The following TMPRSS7 variants were observed in gnomAD, a reference collection of about 807,000 sequenced individuals.
TMPRSS7 encodes the protein transmembrane protease serine 7.
A neutral mutation model predicts 95.6 loss-of-function variants in TMPRSS7; 81 were observed. The observed-to-expected ratio is 0.85, with a 90% confidence interval of 0.71 to 1.02. The LOEUF (loss-of-function observed/expected upper bound fraction) is 1.02. Ranked by LOEUF, TMPRSS7 falls within the 50% of genes least tolerant of loss-of-function variation. TMPRSS7 has a pLI of 0.00. For synonymous variants in TMPRSS7, 364 were observed against 337.8 expected, an observed-to-expected ratio of 1.08 and a Z score of -0.85; for missense variants, 945 against 955.2, an observed-to-expected ratio of 0.99 and a Z score of 0.14.
chr3:112,054,803 C>CGGG, intron 9 of TMPRSS7, among the ~76,000 whole-genome samples: 1 of 122,718 alleles, frequency 8.1e-6, no homozygotes, highest in African/African-American at 3.0e-5. Flanking sequence ...TGCAGTGGCA[C>CGGG]ATCTCGGCTC....
chr3:112,036,151 G>A (rs1199550583), intron 1 of TMPRSS7, among the ~76,000 whole-genome samples: 3 of 152,136 alleles, frequency 2.0e-5, no homozygotes, highest in Admixed American at 1.3e-4. Context: ...CTGTAACTAG[G>A]AAATCAATTC....
At chr3:112,037,851 G>T (rs1243445479) in intron 1 of TMPRSS7, among the ~76,000 whole-genome samples, 1 of 152,080 alleles carries the variant, frequency 6.6e-6, no homozygotes, top group East Asian at 1.9e-4. Flanking sequence ...TTTCACTAGG[G>T]TTTGTATACA....
intron 9 of TMPRSS7, among the ~76,000 whole-genome samples, chr3:112,055,470 C>CAT: frequency 6.6e-6 from 1 of 151,990 alleles, no homozygotes; most frequent in East Asian, 1.9e-4. Flanking sequence ...CACACAGACA[C>CAT]ACACACACAC....
intron 1 of TMPRSS7, among the ~76,000 whole-genome samples, chr3:112,035,390 C>T (rs2073144282): frequency 6.6e-6 from 1 of 152,180 alleles, no homozygotes; most frequent in Admixed American, 6.5e-5. Flanking sequence ...TTCAATTTCA[C>T]CAGAAAGGAT....
intron 17 of TMPRSS7, among the ~76,000 whole-genome samples, chr3:112,079,183 C>A (rs193099274): frequency 6.6e-6 from 1 of 152,330 alleles, no homozygotes; most frequent in Non-Finnish European, 1.5e-5. Context: ...ATTTCCTTAG[C>A]AGCTGCCATT....
exon 14 of TMPRSS7, chr3:112,074,315 A>G (rs764383058): frequency 9.3e-6 from 15 of 1,613,880 alleles, no homozygotes; most frequent in Non-Finnish European, 1.2e-5. Context: ...GCAACAACAG[A>G]ACTTTTAAGT....
intron 1 of TMPRSS7, among the ~76,000 whole-genome samples, chr3:112,035,482 G>A (rs1367386312): frequency 6.6e-6 from 1 of 152,084 alleles, no homozygotes; most frequent in Non-Finnish European, 1.5e-5. Context: ...GAGTGTACGT[G>A]GCCACGTATT....
intron 15 of TMPRSS7, 142 bp from the exon 16 acceptor site, chr3:112,076,734 C>G (rs181304553): frequency 7.2e-6 from 7 of 968,544 alleles, no homozygotes; most frequent in Non-Finnish European, 1.1e-5. Flanking sequence ...CTGCCATGGT[C>G]CCCGGACAAA....
intron 5 of TMPRSS7, among the ~76,000 whole-genome samples, chr3:112,046,698 A>G (rs1055713707): frequency 6.6e-6 from 1 of 152,206 alleles, no homozygotes; most frequent in African/African-American, 2.4e-5. Context: ...GAAACTTGCA[A>G]CTACAATTTC....
At chr3:112,046,520 A>G (rs942952741) in intron 5 of TMPRSS7, among the ~76,000 whole-genome samples, 32 of 152,222 alleles carry the variant, frequency 2.1e-4, no homozygotes, top group African/African-American at 7.7e-4. Flanking sequence ...TTAAAAATAT[A>G]TAAGTATATT....
At chr3:112,044,436 G>T in intron 4 of TMPRSS7, 114 bp downstream of exon 4, 1 of 853,898 alleles carries the variant, frequency 1.2e-6, no homozygotes. Context: ...AAGTGGTTGG[G>T]GATTCATACT....
At chr3:112,065,558 T>C (rs2073566245) in intron 12 of TMPRSS7, among the ~76,000 whole-genome samples, 1 of 152,222 alleles carries the variant, frequency 6.6e-6, no homozygotes, top group East Asian at 1.9e-4. Flanking sequence ...TTGGTAATCA[T>C]TATTCCTCAT....
At chr3:112,035,848 A>G (rs2073146907) in intron 1 of TMPRSS7, among the ~76,000 whole-genome samples, 1 of 152,238 alleles carries the variant, frequency 6.6e-6, no homozygotes, top group Admixed American at 6.5e-5. Flanking sequence ...CACTATGCAC[A>G]TCAATACACT....
intron 13 of TMPRSS7, among the ~76,000 whole-genome samples, chr3:112,069,163 A>G (rs2073611869): frequency 6.6e-6 from 1 of 152,118 alleles, no homozygotes; most frequent in African/African-American, 2.4e-5. Context: ...TTGTGTCCCA[A>G]AGATGAAGCC....
chr3:112,046,532 T>C (rs1355217896), intron 5 of TMPRSS7, among the ~76,000 whole-genome samples: 1 of 152,114 alleles, frequency 6.6e-6, no homozygotes, highest in Non-Finnish European at 1.5e-5. Flanking sequence ...AAGTATATTA[T>C]ACACACACAC....
intron 7 of TMPRSS7, among the ~76,000 whole-genome samples, chr3:112,049,078 G>A (rs1157266985): frequency 6.6e-6 from 1 of 152,134 alleles, no homozygotes; most frequent in Non-Finnish European, 1.5e-5. Flanking sequence ...GTCTCAGGTG[G>A]AAAGAGAAAG....
chr3:112,054,492 A>G (rs1266829631), intron 9 of TMPRSS7, among the ~76,000 whole-genome samples: 2 of 152,158 alleles, frequency 1.3e-5, no homozygotes, highest in Non-Finnish European at 2.9e-5. Flanking sequence ...ACAAATGTAG[A>G]ATTGTGTGCA....
intron 15 of TMPRSS7, among the ~76,000 whole-genome samples, chr3:112,076,349 A>G (rs2073710039): frequency 6.6e-6 from 1 of 152,210 alleles, no homozygotes; most frequent in Non-Finnish European, 1.5e-5. Context: ...TGGTGACCCT[A>G]TGAATGGGCA....
intron 15 of TMPRSS7, among the ~76,000 whole-genome samples, chr3:112,075,872 G>A (rs996330631): frequency 1.3e-5 from 2 of 152,102 alleles, no homozygotes; most frequent in African/African-American, 4.8e-5. Flanking sequence ...AGGGTAAGAG[G>A]ACATCTTAGA....
Sources: allele counts gnomAD v4.1 joint callset (sites outside exome capture counted in the v4.1 genomes callset), GRCh38; gene constraint gnomAD v4.1.1; transcripts MANE v1.5; gene names NCBI Gene and HGNC (gene_info 2026-07-23, HGNC 2026-07-21).